The following ANKRD13C variants were observed in gnomAD, a reference collection of about 807,000 sequenced individuals.
The protein encoded by ANKRD13C is ankyrin repeat domain 13C.
Under a neutral mutation model 65.5 loss-of-function variants are expected in ANKRD13C, and 16 were observed. The ratio of observed to expected loss-of-function variants is 0.24; its 90% CI spans 0.17 to 0.37. ANKRD13C has a LOEUF of 0.37. Ranked by LOEUF, ANKRD13C falls within the 10% of genes least tolerant of loss-of-function variation. ANKRD13C has a pLI of 1.00. For missense variants in ANKRD13C, 503 were observed against 655.9 expected, an observed-to-expected ratio of 0.77 and a Z score of 2.55; for synonymous variants, 235 against 238.7, an observed-to-expected ratio of 0.98 and a Z score of 0.14.
At chr1:70,271,569 A>T (rs914355727) in intron 11 of ANKRD13C, among the ~76,000 whole-genome samples, 3 of 152,192 alleles carry the variant, frequency 2.0e-5, no homozygotes, top group African/African-American at 7.2e-5. Flanking sequence ...TACATAAATT[A>T]AAGTTAGAAA....
chr1:70,298,982 A>G (rs1680209255), intron 7 of ANKRD13C, among the ~76,000 whole-genome samples: 1 of 152,044 alleles, frequency 6.6e-6, no homozygotes, highest in South Asian at 2.1e-4. Context: ...AGGGAATACA[A>G]CAAAAAGAAC....
chr1:70,307,587 G>A (rs1448261242), intron 5 of ANKRD13C, among the ~76,000 whole-genome samples: 11 of 152,102 alleles, frequency 7.2e-5, no homozygotes, highest in Admixed American at 7.2e-4. Context: ...AAAGTTTATT[G>A]TCCAGAGAGA....
At chr1:70,309,488 G>C (rs1680743025) in intron 5 of ANKRD13C, among the ~76,000 whole-genome samples, 2 of 150,526 alleles carry the variant, frequency 1.3e-5, no homozygotes, top group Admixed American at 1.3e-4. Flanking sequence ...GGAGGCCGAG[G>C]CGGGTGGATC....
intron 1 of ANKRD13C, among the ~76,000 whole-genome samples, chr1:70,346,170 A>T (rs1168619187): frequency 1.3e-5 from 2 of 151,996 alleles, no homozygotes; most frequent in East Asian, 3.9e-4. Context: ...TTATTTACCC[A>T]GTCAGTATGC....
At position 70,260,267 on chromosome 1, in the gene ANKRD13C, A is replaced by G. The variant is rs1352185137; in HGVS notation, c.*2450T>C. On this transcript the variant is annotated 3_prime_UTR_variant, in exon 13 of 13. Transcript: ENST00000370944. ...GGCAATTCTCTGTATGTGAATATCT[A>G]CAGAGGGCAAATTGTCTCATCAGAG... Among the ~76,000 whole-genome samples, 1 of 152,132 alleles carries G rather than the reference A, an allele frequency of 6.6e-6. No homozygotes were observed. The highest frequency in any genetic ancestry group is 1.9e-4 in the East Asian group (1 of 5,206).
At chr1:70,303,593 TCA>T (rs1491077128) in intron 6 of ANKRD13C, among the ~76,000 whole-genome samples, 6 of 152,338 alleles carry the variant, frequency 3.9e-5, no homozygotes, top group Non-Finnish European at 7.3e-5. Flanking sequence ...ATAATGTTGC[TCA>T]CACTTTCCTA....
At chr1:70,267,904 C>A (rs1397877218) in intron 12 of ANKRD13C, among the ~76,000 whole-genome samples, 1 of 152,074 alleles carries the variant, frequency 6.6e-6, no homozygotes, top group Non-Finnish European at 1.5e-5. Flanking sequence ...CCCTTCATGT[C>A]CCTATACCTT....
intron 5 of ANKRD13C, among the ~76,000 whole-genome samples, chr1:70,309,441 G>A (rs1157052837): frequency 1.3e-5 from 2 of 150,504 alleles, no homozygotes; most frequent in South Asian, 2.1e-4. Context: ...ATAATAGGCC[G>A]GGCGCGGTGG....
rs571333802 is a variant in ANKRD13C, at chr1:70,315,640, A to G, written c.578-74T>C. On this transcript the variant is annotated intron_variant, in intron 3 of 12. Transcript: ENST00000370944. Reference sequence around the variant, plus strand: ...TAAAAACACCACTGGCTTATTATACATATAGATAGATAATACATGTACACA... The same window carrying G: ...TAAAAACACCACTGGCTTATTATACGTATAGATAGATAATACATGTACACA... 17 of 1,119,914 alleles carry G rather than the reference A, an allele frequency of 1.5e-5. No homozygotes were observed. The African/African-American group carries it at 1.6e-4, about 10-fold the overall frequency. The allele number at this position is 1,119,914 out of a possible 1,614,324, so 69.4% of individuals were successfully genotyped here.
At chr1:70,346,672 G>A (rs896401197) in intron 1 of ANKRD13C, among the ~76,000 whole-genome samples, 5 of 152,120 alleles carry the variant, frequency 3.3e-5, no homozygotes, top group Admixed American at 6.6e-5. Flanking sequence ...CATATCATCT[G>A]ACATCAAATC....
chr1:70,302,924 C>T (rs1369152542), intron 6 of ANKRD13C, among the ~76,000 whole-genome samples: 2 of 152,050 alleles, frequency 1.3e-5, no homozygotes, highest in African/African-American at 4.8e-5. Flanking sequence ...CTAAAACAGT[C>T]TTCTGCCTCC....
At chr1:70,300,981 C>T in intron 6 of ANKRD13C, 73 bp from the exon 7 acceptor site, 1 of 1,495,852 alleles carries the variant, frequency 6.7e-7, no homozygotes, top group Non-Finnish European at 9.0e-7. Context: ...ATTAAATAAG[C>T]TGTTCCTTTT....
At chr1:70,265,967 G>T (rs1469763677) in intron 12 of ANKRD13C, among the ~76,000 whole-genome samples, 1 of 151,608 alleles carries the variant, frequency 6.6e-6, no homozygotes, top group Admixed American at 6.6e-5. Flanking sequence ...AAGCAAGGGA[G>T]ATTTCCTGTA....
At chr1:70,275,743 T>C (rs1679103016) in intron 10 of ANKRD13C, among the ~76,000 whole-genome samples, 1 of 151,908 alleles carries the variant, frequency 6.6e-6, no homozygotes, top group Admixed American at 6.6e-5. Context: ...GGTGGATCAT[T>C]TGAGCCCATG....
chr1:70,304,644 C>T (rs1450933568), intron 6 of ANKRD13C, among the ~76,000 whole-genome samples: 3 of 152,136 alleles, frequency 2.0e-5, no homozygotes, highest in Non-Finnish European at 4.4e-5. Context: ...AGTGATCTAC[C>T]TGCCTCAGCC....
At chr1:70,352,698 G>C (rs1373108821) in intron 1 of ANKRD13C, among the ~76,000 whole-genome samples, 1 of 152,136 alleles carries the variant, frequency 6.6e-6, no homozygotes, top group Non-Finnish European at 1.5e-5. Flanking sequence ...CAAAGGGCTA[G>C]CATAGAATTA....
In ANKRD13C at chr1:70,261,724, T is replaced by G. The variant is rs1390635574; in HGVS notation, c.*993A>C. 1 of 152,556 alleles carries G rather than the reference T, an allele frequency of 6.6e-6. No individual in the cohort carries two copies. Among genetic ancestry groups the G allele is most frequent in the Non-Finnish European group, 1.5e-5 (1 of 67,988 alleles). 9.5% of individuals were successfully genotyped at this position (152,556 alleles called of 1,614,324 possible). On this transcript the variant is annotated 3_prime_UTR_variant, in exon 13 of 13. Transcript: ENST00000370944. ...ATGTTTTTATCTTATTTTGAAAGGATTAAATATGTAGGGTTGTCCAAAATA... is the reference window on the plus strand; with the variant it reads ...ATGTTTTTATCTTATTTTGAAAGGAGTAAATATGTAGGGTTGTCCAAAATA...
chr1:70,294,094 T>G (rs1171693890), intron 8 of ANKRD13C, among the ~76,000 whole-genome samples: 2 of 152,144 alleles, frequency 1.3e-5, no homozygotes, highest in East Asian at 3.8e-4. Flanking sequence ...CATGTACTGG[T>G]AAGAGAAGAT....
In ANKRD13C at chr1:70,292,547, T is replaced by C; in HGVS notation, c.1056A>G (p.Glu352=). ...TGWLFREDKT[E]RVGNFLADFY... is the part of the protein sequence containing the mutation. ...AGTCTGCCAAAAAGTTTCCTACTCT[T>C]TCCTAAAACAAAACCAAATATTTAA... is the stretch of plus-strand genomic sequence containing the variant. The change falls in exon 9 of 13, where the codon GAA becomes GAG. Residue 352 remains glutamate (E), a splice_region_variant and synonymous_variant. Coordinates refer to ENST00000370944, the MANE Select transcript of ANKRD13C (RefSeq NM_030816.5). 1 of 1,584,030 alleles carries C rather than the reference T, an allele frequency of 6.3e-7. No homozygotes were observed. Among genetic ancestry groups the C allele is most frequent in the Non-Finnish European group, 8.5e-7 (1 of 1,172,636 alleles).
Sources: gnomAD v4.1 joint callset for allele counts (sites outside exome capture counted in the v4.1 genomes callset) on GRCh38, gnomAD v4.1.1 for gene constraint, MANE v1.5 for transcripts, NCBI Gene and HGNC (gene_info 2026-07-23, HGNC 2026-07-21) for gene names.